Variants in FHIT observed in about 807,000 individuals in gnomAD.
The protein encoded by FHIT is bis(5'-adenosyl)-triphosphatase.
Under a neutral mutation model 17.9 loss-of-function variants are expected in FHIT, and 19 were observed. The observed-to-expected ratio is 1.06, with a 90% CI of 0.74 to 1.56. The LOEUF is 1.56. FHIT is among the 40% of genes most tolerant of loss of function. The probability of loss-of-function intolerance (pLI) is 0.00; values close to 1 mark genes in which losing one functional copy is unlikely to be tolerated. For synonymous variants in FHIT, 81 were observed against 69.7 expected, an observed-to-expected ratio of 1.16 and a Z score of -0.81; for missense variants, 248 against 189.2, an observed-to-expected ratio of 1.31 and a Z score of -1.82.
At chr3:59,923,137 A>C (rs1162442165) in intron 7 of FHIT, among the ~76,000 whole-genome samples, 3 of 144,492 alleles carry the variant, frequency 2.1e-5, no homozygotes, top group African/African-American at 5.1e-5. Context: ...AGGTGGGAGA[A>C]TGGCCTGAAA....
At chr3:60,912,827 A>C (rs1553766259) in intron 3 of FHIT, 1 of 510,276 alleles carries the variant, frequency 2.0e-6, no homozygotes, top group African/African-American at 1.9e-5. Flanking sequence ...CTCTTTTTTA[A>C]AAAGCTATAT....
chr3:60,090,734 G>C (rs1211533865), intron 5 of FHIT, among the ~76,000 whole-genome samples: 2 of 152,272 alleles, frequency 1.3e-5, no homozygotes, highest in African/African-American at 2.4e-5. Context: ...GCTTGGTTCA[G>C]AGTGTACCTG....
At chr3:59,900,025 G>A (rs149444567) in intron 8 of FHIT, among the ~76,000 whole-genome samples, 1 of 152,270 alleles carries the variant, frequency 6.6e-6, no homozygotes, top group East Asian at 1.9e-4. Context: ...ACTAGGCCAG[G>A]GCCCACAGGT....
At chr3:60,554,942 C>A (rs2036693690) in intron 4 of FHIT, among the ~76,000 whole-genome samples, 1 of 152,146 alleles carries the variant, frequency 6.6e-6, no homozygotes, top group African/African-American at 2.4e-5. Flanking sequence ...ATCATTTGTA[C>A]TCTATAGACT....
At chr3:61,201,536 CT>C (rs1467420590) in intron 1 of FHIT, among the ~76,000 whole-genome samples, 1 of 151,396 alleles carries the variant, frequency 6.6e-6, no homozygotes, top group South Asian at 2.1e-4. Flanking sequence ...TTCCATGGTT[CT>C]TTTTTTTTCC....
intron 5 of FHIT, among the ~76,000 whole-genome samples, chr3:60,276,145 G>C (rs1370961250): frequency 2.6e-5 from 4 of 151,964 alleles, no homozygotes; most frequent in African/African-American, 9.7e-5. Flanking sequence ...CCGCCACCAG[G>C]CTGGCTAATT....
chr3:61,163,767 C>T (rs1279213015), intron 2 of FHIT, among the ~76,000 whole-genome samples: 2 of 152,176 alleles, frequency 1.3e-5, no homozygotes, highest in African/African-American at 4.8e-5. Context: ...CAACTGTCTG[C>T]TCTTCATCAA....
chr3:60,980,550 G>C (rs1219038091), intron 3 of FHIT, among the ~76,000 whole-genome samples: 1 of 152,092 alleles, frequency 6.6e-6, no homozygotes, highest in Admixed American at 6.5e-5. Context: ...TCTCCTCTCT[G>C]CCTACTCATA....
chr3:60,782,233 G>GTATATATA lies in FHIT; in HGVS notation c.-18+39685_-18+39686insTATATATA, dbSNP rs775581148. The stretch of plus-strand genomic sequence containing the variant: ...AGAATATTTCATTGTGTGTGTGTGT[G>GTATATATA]TGTGTATATATATATATATATCACA... On this transcript the variant is annotated intron_variant, in intron 4 of 9. Coordinates refer to ENST00000492590, the MANE Select transcript of FHIT (RefSeq NM_002012.4). 2.2e-3 allele frequency among the ~76,000 whole-genome samples: 287 copies of GTATATATA among 133,180 alleles called. 3 individuals are homozygous for GTATATATA. The highest frequency in any genetic ancestry group is 8.6e-3 in the African/African-American group (276 of 32,074). 87.4% of individuals were successfully genotyped at this position (133,180 alleles called of 152,430 possible).
At chr3:60,539,082 A>G (rs971247863) in intron 4 of FHIT, among the ~76,000 whole-genome samples, 3 of 152,202 alleles carry the variant, frequency 2.0e-5, no homozygotes, top group African/African-American at 7.2e-5. Flanking sequence ...AAAGAACTCA[A>G]ACAAATTTAC....
chr3:59,969,771 G>A (rs1237579497), intron 7 of FHIT, among the ~76,000 whole-genome samples: 3 of 152,012 alleles, frequency 2.0e-5, no homozygotes, highest in African/African-American at 7.2e-5. Context: ...AATATTTCCA[G>A]CAGCCCCTCA....
chr3:61,148,808 A>G (rs1473280932), intron 2 of FHIT, among the ~76,000 whole-genome samples: 1 of 152,234 alleles, frequency 6.6e-6, no homozygotes, highest in Non-Finnish European at 1.5e-5. Flanking sequence ...GTATATTTAA[A>G]AATTCATAAC....
chr3:60,895,961 C>G (rs532824236), intron 3 of FHIT, among the ~76,000 whole-genome samples: 1 of 151,940 alleles, frequency 6.6e-6, no homozygotes, highest in South Asian at 2.1e-4. Context: ...AGACTGGTAC[C>G]AGTCTGTGGC....
At chr3:59,983,378 C>G (rs1241932764) in intron 7 of FHIT, among the ~76,000 whole-genome samples, 1 of 152,096 alleles carries the variant, frequency 6.6e-6, no homozygotes, top group Non-Finnish European at 1.5e-5. Flanking sequence ...AAGTTGCCTA[C>G]AATCAACTAT....
intron 5 of FHIT, among the ~76,000 whole-genome samples, chr3:60,029,697 T>C (rs1700900021): frequency 6.6e-6 from 1 of 152,188 alleles, no homozygotes; most frequent in East Asian, 1.9e-4. Context: ...TGGGAATACA[T>C]GTGCCACAGT....
chr3:60,284,310 G>A (rs1270481008), intron 5 of FHIT, among the ~76,000 whole-genome samples: 2 of 152,090 alleles, frequency 1.3e-5, no homozygotes, highest in African/African-American at 2.4e-5. Context: ...AGGTGTAGAC[G>A]TTCAGCTAGA....
intron 1 of FHIT, among the ~76,000 whole-genome samples, chr3:61,228,953 C>T (rs915817328): frequency 6.6e-6 from 1 of 152,154 alleles, no homozygotes; most frequent in African/African-American, 2.4e-5. Flanking sequence ...CCAGTCTTTT[C>T]TTACCATGCG....
In FHIT at chr3:60,152,307, A is replaced by T. The variant is rs7648302; in HGVS notation, c.104-138155T>A. On this transcript the variant is annotated intron_variant, in intron 5 of 9. Transcript: ENST00000492590. ...TGCACACATGTATGTACACACATAA[A>T]CTACTCTGATCTCTCATGTCTTCAA... Among the ~76,000 whole-genome samples, 1,150 of 152,304 alleles carry T rather than the reference A, an allele frequency of 7.6e-3. 16 individuals carry two copies. Among genetic ancestry groups the T allele is most frequent in the African/African-American group, 0.026 (1,079 of 41,560 alleles).
At chr3:61,217,534 C>T (rs2039719332) in intron 1 of FHIT, among the ~76,000 whole-genome samples, 1 of 152,120 alleles carries the variant, frequency 6.6e-6, no homozygotes, top group South Asian at 2.1e-4. Flanking sequence ...GACCTAGGCT[C>T]AGAAATCACA....
Sources: gnomAD v4.1 joint callset for allele counts (sites outside exome capture counted in the v4.1 genomes callset) on GRCh38, gnomAD v4.1.1 for gene constraint, MANE v1.5 for transcripts, NCBI Gene and HGNC (gene_info 2026-07-23, HGNC 2026-07-21) for gene names.